FGF12: variants seen among roughly 807,000 people sequenced by gnomAD.
The protein encoded by FGF12 is fibroblast growth factor 12, also known as fibroblast growth factor 12B.
FGF12 carries 14 observed loss-of-function variants against 23.6 expected under a neutral mutation model. That is an observed-to-expected ratio of 0.59 (90% CI 0.39 to 0.93). The LOEUF is 0.93. Among genes scored for constraint, FGF12 ranks in the 40% least tolerant of loss-of-function variants. FGF12 has a pLI of 0.00. For missense variants in FGF12, 175 were observed against 217.8 expected (o/e 0.80, Z 1.24); for synonymous variants, 62 against 77.3 (o/e 0.80, Z 1.04).
intron 4 of FGF12, among the ~76,000 whole-genome samples, chr3:192,309,512 A>C (rs1325615422): frequency 1.3e-5 from 2 of 152,128 alleles, no homozygotes; most frequent in East Asian, 3.9e-4. Flanking sequence ...CTGATAATTC[A>C]TTTCTGGAGA....
intron 2 of FGF12, among the ~76,000 whole-genome samples, chr3:192,592,284 C>T (rs1232595668): frequency 6.6e-6 from 1 of 151,856 alleles, no homozygotes; most frequent in Non-Finnish European, 1.5e-5. Context: ...ATTATGTCTT[C>T]GTTATTTGCC....
intron 2 of FGF12, among the ~76,000 whole-genome samples, chr3:192,385,889 T>G (rs1045792940): frequency 2.0e-5 from 3 of 152,146 alleles, no homozygotes; most frequent in Admixed American, 6.6e-5. Context: ...CTTATTCCCG[T>G]GGACTCCTTG....
intron 2 of FGF12, among the ~76,000 whole-genome samples, chr3:192,485,175 A>G (rs1723600045): frequency 6.6e-6 from 1 of 152,152 alleles, no homozygotes; most frequent in African/African-American, 2.4e-5. Context: ...ATGTTTATCT[A>G]TTATTTAGAA....
At chr3:192,184,984 A>C (rs1039166118) in intron 4 of FGF12, among the ~76,000 whole-genome samples, 1 of 152,146 alleles carries the variant, frequency 6.6e-6, no homozygotes, top group Non-Finnish European at 1.5e-5. Flanking sequence ...ATTTCATTAC[A>C]ATTTATAGTT....
intron 2 of FGF12, among the ~76,000 whole-genome samples, chr3:192,442,439 G>A (rs1343883902): frequency 6.6e-6 from 1 of 152,164 alleles, no homozygotes; most frequent in East Asian, 1.9e-4. Flanking sequence ...AAAGATAATA[G>A]ACTCAAGACA....
chr3:192,650,569 T>C (rs950263804), intron 2 of FGF12, among the ~76,000 whole-genome samples: 1 of 152,198 alleles, frequency 6.6e-6, no homozygotes, highest in Non-Finnish European at 1.5e-5. Context: ...TACCTCACTG[T>C]CATACTTTGT....
intron 2 of FGF12, among the ~76,000 whole-genome samples, chr3:192,607,818 G>A (rs1485879188): frequency 8.0e-6 from 1 of 124,832 alleles, no homozygotes; most frequent in East Asian, 2.2e-4. Context: ...AATAAAAATA[G>A]TTAACATACC....
chr3:192,316,560 G>A (rs1361168665), intron 4 of FGF12, among the ~76,000 whole-genome samples: 1 of 152,178 alleles, frequency 6.6e-6, no homozygotes, highest in Non-Finnish European at 1.5e-5. Context: ...CAGATAGGGG[G>A]CACCTAGACC....
chr3:192,481,173 C>G (rs560722134), intron 2 of FGF12, among the ~76,000 whole-genome samples: 11 of 152,074 alleles, frequency 7.2e-5, no homozygotes, highest in Non-Finnish European at 1.3e-4. Flanking sequence ...TTTCTAAGAT[C>G]TCTAGGGCTT....
At position 192,571,264 on chromosome 3, in the gene FGF12, G is replaced by C. The variant is rs74501317; in HGVS notation, c.13+155917C>G. On this transcript the variant is annotated intron_variant, in intron 2 of 5. Transcript: ENST00000445105. The stretch of plus-strand genomic sequence containing the variant: ...GCTGTAGCAGAAAGGGAGGAATTCT[G>C]GAGGATCGCTCTTTCTGCAAACATC... 7.2e-5 allele frequency among the ~76,000 whole-genome samples: 11 copies of C among 152,344 alleles called. No individual in the cohort carries two copies. In the East Asian group the frequency reaches 1.9e-3, roughly 27 times the overall value.
chr3:192,445,185 A>G (rs1722316310), intron 2 of FGF12, among the ~76,000 whole-genome samples: 1 of 152,214 alleles, frequency 6.6e-6, no homozygotes, highest in Admixed American at 6.5e-5. Flanking sequence ...TTCACAGAGG[A>G]GTGTGATTTA....
intron 2 of FGF12, among the ~76,000 whole-genome samples, chr3:192,648,775 C>G (rs916228215): frequency 6.6e-6 from 1 of 152,136 alleles, no homozygotes; most frequent in African/African-American, 2.4e-5. Flanking sequence ...TTAAACAATG[C>G]TTGCAGAAAG....
rs767731060 is a variant in FGF12, at chr3:192,247,569, C to G, written c.229-76913G>C. Among the ~76,000 whole-genome samples, 29 of 152,262 alleles carry G rather than the reference C, an allele frequency of 1.9e-4. No individual in the cohort carries two copies. The Middle Eastern group carries it at 0.014, about 71-fold the overall frequency. ...GGTCTATATGATGGCACATATTTTGCTGACAGTTTTCTGAATCCACACCTA... is the reference window on the plus strand; with the variant it reads ...GGTCTATATGATGGCACATATTTTGGTGACAGTTTTCTGAATCCACACCTA... On this transcript the variant is annotated intron_variant, in intron 4 of 5. Transcript: ENST00000445105.
chr3:192,459,605 G>T (rs1012540908), intron 2 of FGF12, among the ~76,000 whole-genome samples: 3 of 152,098 alleles, frequency 2.0e-5, no homozygotes, highest in South Asian at 2.1e-4. Context: ...GCATCATTCT[G>T]CATGAGCCTT....
At chr3:192,553,448 C>G (rs1471296532) in intron 2 of FGF12, among the ~76,000 whole-genome samples, 1 of 151,816 alleles carries the variant, frequency 6.6e-6, no homozygotes, top group African/African-American at 2.4e-5. Flanking sequence ...TATTTTAATC[C>G]CCATACAACT....
chr3:192,629,274 T>C (rs1244866560), intron 2 of FGF12, among the ~76,000 whole-genome samples: 1 of 152,232 alleles, frequency 6.6e-6, no homozygotes, highest in Non-Finnish European at 1.5e-5. Context: ...CAAGTTGATT[T>C]ACTTCATCTG....
At chr3:192,414,619 G>C (rs1721288035) in intron 2 of FGF12, among the ~76,000 whole-genome samples, 2 of 152,164 alleles carry the variant, frequency 1.3e-5, no homozygotes, top group Non-Finnish European at 2.9e-5. Context: ...TAATAATTCA[G>C]TTTCACAAGC....
intron 4 of FGF12, among the ~76,000 whole-genome samples, chr3:192,194,674 C>T (rs1294233161): frequency 6.6e-6 from 1 of 152,112 alleles, no homozygotes; most frequent in South Asian, 2.1e-4. Flanking sequence ...TGATAGGATA[C>T]TCATAGAAAT....
At chr3:192,233,711 G>T (rs1719139941) in intron 4 of FGF12, among the ~76,000 whole-genome samples, 1 of 151,922 alleles carries the variant, frequency 6.6e-6, no homozygotes. Flanking sequence ...ATTTTGAGTT[G>T]ATTTTTGTAT....
Sources: gnomAD v4.1 joint callset for allele counts (sites outside exome capture counted in the v4.1 genomes callset) on GRCh38, gnomAD v4.1.1 for gene constraint, MANE v1.5 for transcripts, NCBI Gene and HGNC (gene_info 2026-07-23, HGNC 2026-07-21) for gene names.